ASIC2: variants seen among roughly 807,000 people sequenced by gnomAD.
ASIC2 encodes the protein acid sensing ion channel subunit 2.
ASIC2 carries 25 observed loss-of-function variants against 57.3 expected under a neutral mutation model. The observed-to-expected ratio is 0.44, with a 90% CI of 0.32 to 0.61. The LOEUF (loss-of-function observed/expected upper bound fraction) is 0.61, where lower values mean the gene tolerates loss of function less well. Ranked by LOEUF, ASIC2 falls within the 20% of genes least tolerant of loss-of-function variation. The probability of loss-of-function intolerance (pLI) is 0.06; values close to 1 mark genes in which losing one functional copy is unlikely to be tolerated. For synonymous variants in ASIC2, 319 were observed against 307.5 expected, an observed-to-expected ratio of 1.04 and a Z score of -0.39; for missense variants, 641 against 738.1, an observed-to-expected ratio of 0.87 and a Z score of 1.52.
intron 1 of ASIC2, among the ~76,000 whole-genome samples, chr17:33,334,636 C>T (rs1428500118): frequency 6.6e-6 from 1 of 152,192 alleles, no homozygotes; most frequent in African/African-American, 2.4e-5. Flanking sequence ...TTAGCTCTCA[C>T]AGAAGAGGGG....
intron 1 of ASIC2, among the ~76,000 whole-genome samples, chr17:33,599,944 T>C (rs1479940761): frequency 1.3e-5 from 2 of 152,210 alleles, no homozygotes; most frequent in African/African-American, 2.4e-5. Flanking sequence ...TTGATTCTTC[T>C]TTTTCTCTCC....
At chr17:33,352,392 C>A (rs1908220816) in intron 1 of ASIC2, among the ~76,000 whole-genome samples, 1 of 152,130 alleles carries the variant, frequency 6.6e-6, no homozygotes, top group South Asian at 2.1e-4. Context: ...CCCCCCAAGG[C>A]TGCCACCCCC....
intron 1 of ASIC2, among the ~76,000 whole-genome samples, chr17:33,217,782 A>C (rs865970891): frequency 1.3e-5 from 2 of 152,202 alleles, no homozygotes; most frequent in Non-Finnish European, 2.9e-5. Flanking sequence ...GGATTAAATG[A>C]GATAATGCAG....
chr17:33,615,349 A>G (rs999765529), intron 1 of ASIC2, among the ~76,000 whole-genome samples: 1 of 152,236 alleles, frequency 6.6e-6, no homozygotes, highest in Non-Finnish European at 1.5e-5. Flanking sequence ...ATTATTTTAA[A>G]AAATCTATTA....
chr17:33,725,730 C>CA (rs1396224179), intron 1 of ASIC2, among the ~76,000 whole-genome samples: 1 of 149,066 alleles, frequency 6.7e-6, no homozygotes, highest in Non-Finnish European at 1.5e-5. Flanking sequence ...AACCCCCCCC[C>CA]CCTTTTTTTA....
intron 1 of ASIC2, among the ~76,000 whole-genome samples, chr17:33,348,499 A>C (rs1908038433): frequency 6.6e-6 from 1 of 152,196 alleles, no homozygotes. Context: ...TTAGGACAAG[A>C]ACCTGAAAGG....
chr17:33,066,411 G>A (rs2092043718), intron 3 of ASIC2, among the ~76,000 whole-genome samples: 1 of 152,202 alleles, frequency 6.6e-6, no homozygotes, highest in African/African-American at 2.4e-5. Context: ...TTCAGCAGAT[G>A]TTTAGTAGAG....
chr17:34,057,417 G>C (rs1216690395), intron 1 of ASIC2, among the ~76,000 whole-genome samples: 2 of 152,230 alleles, frequency 1.3e-5, no homozygotes, highest in Non-Finnish European at 2.9e-5. Flanking sequence ...AGCCCAAGGA[G>C]GGTGTGATTG....
At chr17:34,057,817 A>G (rs1194244425) in intron 1 of ASIC2, among the ~76,000 whole-genome samples, 1 of 152,206 alleles carries the variant, frequency 6.6e-6, no homozygotes, top group African/African-American at 2.4e-5. Flanking sequence ...GTACCTGTGC[A>G]GGGTACTTTG....
At chr17:33,112,980 C>T (rs1232979798) in intron 1 of ASIC2, among the ~76,000 whole-genome samples, 3 of 152,280 alleles carry the variant, frequency 2.0e-5, no homozygotes, top group Admixed American at 6.5e-5. Context: ...TGCTGCTTCC[C>T]GCCTGAGTCC....
At chr17:33,314,783 T>C (rs566469763) in intron 1 of ASIC2, among the ~76,000 whole-genome samples, 1 of 152,358 alleles carries the variant, frequency 6.6e-6, no homozygotes, top group African/African-American at 2.4e-5. Flanking sequence ...ATTTTTATGC[T>C]TTGAAAGCAC....
intron 1 of ASIC2, among the ~76,000 whole-genome samples, chr17:34,153,299 G>T (rs903217746): frequency 6.6e-6 from 1 of 152,144 alleles, no homozygotes; most frequent in Non-Finnish European, 1.5e-5. Context: ...CGCACTTAAA[G>T]AAAGAAGTCA....
At chr17:34,096,537 A>G (rs1032857098) in intron 1 of ASIC2, among the ~76,000 whole-genome samples, 14 of 152,168 alleles carry the variant, frequency 9.2e-5, no homozygotes, top group Non-Finnish European at 1.9e-4. Flanking sequence ...GAAAAATCCC[A>G]TTGATCATAG....
intron 1 of ASIC2, among the ~76,000 whole-genome samples, chr17:33,487,691 G>T (rs1417876163): frequency 3.3e-5 from 5 of 152,178 alleles, no homozygotes; most frequent in Admixed American, 1.3e-4. Context: ...CCTCAATCTG[G>T]GTGGGCACCA....
At chr17:33,671,436 C>T (rs181686847) in intron 1 of ASIC2, among the ~76,000 whole-genome samples, 59 of 152,332 alleles carry the variant, frequency 3.9e-4, no homozygotes, top group African/African-American at 1.3e-3. Flanking sequence ...ACCATGATAG[C>T]GTTCCCACTG....
intron 1 of ASIC2, among the ~76,000 whole-genome samples, chr17:33,314,270 C>T (rs1567820058): frequency 6.6e-6 from 1 of 152,184 alleles, no homozygotes; most frequent in Non-Finnish European, 1.5e-5. Context: ...TAACATGATA[C>T]TATTAATTTC....
chr17:33,601,212 T>C (rs1905108113), intron 1 of ASIC2, among the ~76,000 whole-genome samples: 1 of 152,150 alleles, frequency 6.6e-6, no homozygotes, highest in African/African-American at 2.4e-5. Context: ...CAAGTGACCA[T>C]TTGCTAAAGA....
intron 1 of ASIC2, among the ~76,000 whole-genome samples, chr17:34,112,735 A>G (rs1405674014): frequency 6.6e-6 from 1 of 151,236 alleles, no homozygotes; most frequent in South Asian, 2.1e-4. Flanking sequence ...TGCTCCCTGA[A>G]GCCTCTTAGG....
intron 1 of ASIC2, among the ~76,000 whole-genome samples, chr17:33,467,232 T>C (rs1487357296): frequency 6.6e-6 from 1 of 152,236 alleles, no homozygotes; most frequent in African/African-American, 2.4e-5. Flanking sequence ...TAAGCCACTG[T>C]GCCTGGCCTT....
Sources: gnomAD v4.1 joint callset for allele counts (sites outside exome capture counted in the v4.1 genomes callset) on GRCh38, gnomAD v4.1.1 for gene constraint, MANE v1.5 for transcripts, NCBI Gene and HGNC (gene_info 2026-07-23, HGNC 2026-07-21) for gene names.